Variants in PLPPR1 observed in about 807,000 individuals in gnomAD.
PLPPR1 encodes phospholipid phosphatase related 1.
PLPPR1 carries 10 observed loss-of-function variants against 33.1 expected under a neutral mutation model. The observed-to-expected ratio is 0.30, with a 90% CI of 0.19 to 0.51. The LOEUF is 0.51. Ranked by LOEUF, PLPPR1 falls within the 20% of genes least tolerant of loss-of-function variation. The pLI is 0.97. For missense variants in PLPPR1, 304 were observed against 408.1 expected (o/e 0.74, Z 2.20); for synonymous variants, 151 against 151.0 (o/e 1.00, Z 0.00).
intron 2 of PLPPR1, among the ~76,000 whole-genome samples, chr9:101,190,804 A>T (rs1170467113): frequency 6.6e-6 from 1 of 152,204 alleles, no homozygotes. Context: ...TTAAGATGCC[A>T]CTGGAGAGAG....
intron 4 of PLPPR1, among the ~76,000 whole-genome samples, chr9:101,304,089 T>C (rs977287337): frequency 2.0e-5 from 3 of 149,386 alleles, no homozygotes; most frequent in Admixed American, 1.3e-4. Flanking sequence ...GAATTATGAT[T>C]TACAGTTTTC....
At chr9:101,055,762 G>T (rs147375903) in intron 1 of PLPPR1, among the ~76,000 whole-genome samples, 2,708 of 152,268 alleles carry the variant, frequency 0.018, 78 homozygotes, top group Admixed American at 0.076. Flanking sequence ...CTGGTTTATT[G>T]TTGGGCCACA....
chr9:101,094,661 G>A (rs996163551), intron 1 of PLPPR1, among the ~76,000 whole-genome samples: 4 of 152,080 alleles, frequency 2.6e-5, no homozygotes, highest in Admixed American at 1.3e-4. Flanking sequence ...TTATATGGTC[G>A]TTAGTCTATG....
At chr9:101,138,274 C>T (rs2118626247) in intron 1 of PLPPR1, among the ~76,000 whole-genome samples, 1 of 152,278 alleles carries the variant, frequency 6.6e-6, no homozygotes, top group East Asian at 1.9e-4. Context: ...TACATCATAA[C>T]TCACTGGCTT....
At chr9:101,065,699 G>T (rs914851063) in intron 1 of PLPPR1, among the ~76,000 whole-genome samples, 1 of 151,946 alleles carries the variant, frequency 6.6e-6, no homozygotes, top group Non-Finnish European at 1.5e-5. Flanking sequence ...TCCAAAATAC[G>T]CAGGAAATCC....
chr9:101,323,991 T>C, intron 7 of PLPPR1, 34 bp from the exon 8 acceptor site: 1 of 1,606,942 alleles, frequency 6.2e-7, no homozygotes, highest in Non-Finnish European at 8.5e-7. Flanking sequence ...GGCAACCCTA[T>C]CTCAGATTTT....
At chr9:101,082,541 A>G (rs990977169) in intron 1 of PLPPR1, among the ~76,000 whole-genome samples, 11 of 152,228 alleles carry the variant, frequency 7.2e-5, no homozygotes, top group Non-Finnish European at 1.3e-4. Flanking sequence ...TATCTTTGCC[A>G]TGCATTAAAC....
intron 1 of PLPPR1, among the ~76,000 whole-genome samples, chr9:101,153,023 A>G (rs1202254245): frequency 6.6e-6 from 1 of 152,172 alleles, no homozygotes; most frequent in Non-Finnish European, 1.5e-5. Flanking sequence ...GATTCTTCCT[A>G]CCCACGAGCA....
At chr9:101,156,158 A>C (rs1831683454) in intron 1 of PLPPR1, among the ~76,000 whole-genome samples, 1 of 152,328 alleles carries the variant, frequency 6.6e-6, no homozygotes, top group African/African-American at 2.4e-5. Flanking sequence ...ACAAATACAT[A>C]AAGTCCTACA....
At chr9:101,118,167 A>G (rs952325776) in intron 1 of PLPPR1, among the ~76,000 whole-genome samples, 2 of 152,230 alleles carry the variant, frequency 1.3e-5, no homozygotes, top group Non-Finnish European at 2.9e-5. Context: ...GGAAGCTGAT[A>G]AACAGAGGCT....
At chr9:101,226,041 T>C (rs1187674035) in intron 2 of PLPPR1, among the ~76,000 whole-genome samples, 1 of 152,118 alleles carries the variant, frequency 6.6e-6, no homozygotes, top group African/African-American at 2.4e-5. Context: ...TTTAATGTTC[T>C]TTCTACAGAA....
chr9:101,313,061 T>C, intron 6 of PLPPR1, 87 bp downstream of exon 6: 2 of 1,189,388 alleles, frequency 1.7e-6, no homozygotes, highest in Non-Finnish European at 2.5e-6. Context: ...TCACCATCTG[T>C]GTTCCTTTCG....
chr9:101,237,816 CATAT>C lies in PLPPR1; in HGVS notation c.64-32047_64-32044del, dbSNP rs768518442. On this transcript the variant is annotated intron_variant, in intron 2 of 7. Coordinates refer to ENST00000374874, the MANE Select transcript of PLPPR1 (RefSeq NM_207299.2). ...TAGATGAGTAGTATTCCATTGTGTGCATATATATATATATATATATGCTATATAT... is the reference window on the plus strand; with the variant it reads ...TAGATGAGTAGTATTCCATTGTGTGCATATATATATATATATGCTATATAT... 3.5e-3 allele frequency among the ~76,000 whole-genome samples: 256 copies of C among 72,200 alleles called. 2 individuals carry two copies. The highest frequency in any genetic ancestry group is 0.021 in the African/African-American group (228 of 10,656). The allele number at this position is 72,200 out of a possible 152,430, so 47.4% of individuals were successfully genotyped here.
rs1829229512 is a variant in PLPPR1, at chr9:101,325,120, G to A, written c.*1063G>A. ...TTTTTTTTTCTAAAGAGAAGAAAAA[G>A]TTATCACAAAATGTATTCTGGCTCA... On this transcript the variant is annotated 3_prime_UTR_variant, in exon 8 of 8. Coordinates refer to ENST00000374874, the MANE Select transcript of PLPPR1 (RefSeq NM_207299.2). 6.6e-6 allele frequency: 1 copy of A among 151,880 alleles called. No homozygotes were observed. Among genetic ancestry groups the A allele is most frequent in the Admixed American group, 6.6e-5 (1 of 15,252 alleles). 9.4% of individuals were successfully genotyped at this position (151,880 alleles called of 1,614,324 possible).
intron 4 of PLPPR1, among the ~76,000 whole-genome samples, chr9:101,303,989 A>G (rs891588716): frequency 1.3e-5 from 2 of 152,232 alleles, no homozygotes; most frequent in African/African-American, 4.8e-5. Flanking sequence ...CATCTCCAAT[A>G]AAAAGTATTT....
At chr9:101,133,925 A>C (rs1320658252) in intron 1 of PLPPR1, among the ~76,000 whole-genome samples, 1 of 152,190 alleles carries the variant, frequency 6.6e-6, no homozygotes, top group Non-Finnish European at 1.5e-5. Context: ...CATTTTCTCC[A>C]TTTACAAAAT....
chr9:101,268,174 C>G (rs1828032792), intron 2 of PLPPR1, among the ~76,000 whole-genome samples: 1 of 151,274 alleles, frequency 6.6e-6, no homozygotes, highest in Non-Finnish European at 1.5e-5. Flanking sequence ...ATGAGTGCAG[C>G]ACACCAACAT....
chr9:101,272,800 A>G (rs549548838), intron 3 of PLPPR1, among the ~76,000 whole-genome samples: 1 of 152,234 alleles, frequency 6.6e-6, no homozygotes, highest in Non-Finnish European at 1.5e-5. Context: ...TACAAAATGT[A>G]GAGACTTTCA....
intron 1 of PLPPR1, among the ~76,000 whole-genome samples, chr9:101,077,708 C>A (rs1258809811): frequency 6.6e-6 from 1 of 152,062 alleles, no homozygotes; most frequent in African/African-American, 2.4e-5. Context: ...TGGGGAAAGA[C>A]CTTCAGAGTC....
Sources: allele counts gnomAD v4.1 joint callset (sites outside exome capture counted in the v4.1 genomes callset), GRCh38; gene constraint gnomAD v4.1.1; transcripts MANE v1.5; gene names NCBI Gene and HGNC (gene_info 2026-07-23, HGNC 2026-07-21).